INVS: variants seen among roughly 807,000 people sequenced by gnomAD.
The protein encoded by INVS is inversion of embryo turning homolog.
In INVS, 86 loss-of-function variants were observed where a neutral mutation model predicts 108.8. The observed-to-expected ratio is 0.79, with a 90% CI of 0.66 to 0.95. The LOEUF (loss-of-function observed/expected upper bound fraction) is 0.95, where lower values mean the gene tolerates loss of function less well. Ranked by LOEUF, INVS falls within the 40% of genes least tolerant of loss-of-function variation. The probability of loss-of-function intolerance (pLI) is 0.00; values close to 1 mark genes in which losing one functional copy is unlikely to be tolerated. For synonymous variants in INVS, 455 were observed against 473.5 expected (o/e 0.96, Z 0.51); for missense variants, 1,169 against 1,297.4 (o/e 0.90, Z 1.52).
intron 16 of INVS, 159 bp downstream of exon 16, chr9:100,298,169 C>T: frequency 6.6e-7 from 1 of 1,522,814 alleles, no homozygotes. Context: ...ACATCTGTCT[C>T]CCTAAGAGGC....
At chr9:100,246,935 C>T in intron 8 of INVS, 148 bp downstream of exon 8, 1 of 756,872 alleles carries the variant, frequency 1.3e-6, no homozygotes, top group Non-Finnish European at 2.3e-6. Flanking sequence ...TTTGGGTTTG[C>T]CAGGATGTCA....
intron 3 of INVS, among the ~76,000 whole-genome samples, chr9:100,150,886 A>T (rs184976743): frequency 6.6e-6 from 1 of 152,182 alleles, no homozygotes; most frequent in African/African-American, 2.4e-5. Flanking sequence ...GTGACAACAG[A>T]TGATAACTAA....
At chr9:100,192,976 G>GTC (rs1331745165) in intron 3 of INVS, among the ~76,000 whole-genome samples, 3 of 137,334 alleles carry the variant, frequency 2.2e-5, no homozygotes, top group Non-Finnish European at 3.1e-5. Context: ...TGATACCAAT[G>GTC]TCTTTTTTTT....
chr9:100,286,014 A>G (rs143902799), intron 13 of INVS, among the ~76,000 whole-genome samples: 2 of 152,336 alleles, frequency 1.3e-5, no homozygotes, highest in Non-Finnish European at 2.9e-5. Context: ...GGACTTTCTC[A>G]GAAAGGGGCT....
intron 3 of INVS, among the ~76,000 whole-genome samples, chr9:100,211,842 A>G (rs1211024636): frequency 6.6e-6 from 1 of 152,238 alleles, no homozygotes; most frequent in African/African-American, 2.4e-5. Flanking sequence ...TTTGGAGCAC[A>G]TTCTTAGCCT....
chr9:100,157,704 T>C (rs1255159225), intron 3 of INVS, among the ~76,000 whole-genome samples: 1 of 152,232 alleles, frequency 6.6e-6, no homozygotes, highest in African/African-American at 2.4e-5. Flanking sequence ...TTCTAAATTT[T>C]ATTTTGAGCC....
At chr9:100,200,568 G>A (rs1460674106) in intron 3 of INVS, among the ~76,000 whole-genome samples, 1 of 152,114 alleles carries the variant, frequency 6.6e-6, no homozygotes, top group Non-Finnish European at 1.5e-5. Context: ...TTAAGGCATG[G>A]CCCTTCTGAG....
intron 13 of INVS, among the ~76,000 whole-genome samples, chr9:100,291,923 T>G (rs1833628798): frequency 6.6e-6 from 1 of 152,236 alleles, no homozygotes; most frequent in African/African-American, 2.4e-5. Context: ...TTTTCTGTTC[T>G]TATGTAGATG....
Position 100,193,081 on chromosome 9 carries a change from A to T in INVS, c.274-32981A>T, listed in dbSNP as rs80266158. On this transcript the variant is annotated intron_variant, in intron 3 of 16. Coordinates refer to ENST00000262457, the MANE Select transcript of INVS (RefSeq NM_014425.5). ...GCAGCCTTGAACTCCTGAGTTAAGC[A>T]TTCCTCCCACCTCAGCCTCCTGAGT... 4.0e-4 allele frequency among the ~76,000 whole-genome samples: 61 copies of T among 151,194 alleles called. No individual in the cohort carries two copies. In the East Asian group the frequency reaches 9.0e-3, roughly 22 times the overall value.
In INVS at chr9:100,297,128, G is replaced by A. The variant is rs763385338; in HGVS notation, c.2998G>A (p.Val1000Met). 6.8e-6 allele frequency: 11 copies of A among 1,614,026 alleles called. 1 individual carries two copies. The South Asian group carries it at 1.1e-4, about 16-fold the overall frequency. Residue 1000 changes from valine to methionine, a missense_variant, in exon 15 of 17, where the codon GTG (valine) becomes ATG (methionine). Val to Met is a conservative substitution (Grantham distance 21, BLOSUM62 1). Coordinates refer to ENST00000262457, the MANE Select transcript of INVS (RefSeq NM_014425.5). ...TSGTKSTKHSVLKQIYGCSHE... is the reference protein window; with the variant it reads ...TSGTKSTKHSMLKQIYGCSHE... ...AGGCACAAAGTCCACCAAGCACTCA[G>A]TGCTTAAGCAAATCTATGGTAACTG...
At chr9:100,118,731 G>A (rs1029354509) in intron 2 of INVS, among the ~76,000 whole-genome samples, 2 of 151,708 alleles carry the variant, frequency 1.3e-5, no homozygotes, top group Non-Finnish European at 2.9e-5. Context: ...CATGATCTCG[G>A]CTCACTGCAA....
intron 14 of INVS, among the ~76,000 whole-genome samples, chr9:100,294,680 G>A (rs1199458198): frequency 6.6e-6 from 1 of 152,154 alleles, no homozygotes; most frequent in Non-Finnish European, 1.5e-5. Flanking sequence ...AGTTTTTGCT[G>A]TGGTCAAGCT....
chr9:100,252,558 A>T (rs1453813343), intron 9 of INVS, 120 bp downstream of exon 9: 1 of 941,290 alleles, frequency 1.1e-6, no homozygotes. Flanking sequence ...TGAAGGGATG[A>T]TCACACAACA....
At chr9:100,116,846 G>C (rs1827547464) in intron 2 of INVS, 1 of 1,259,684 alleles carries the variant, frequency 7.9e-7, no homozygotes, top group Non-Finnish European at 1.1e-6. Flanking sequence ...CTGACAGGGA[G>C]ACTTGGTAAA....
chr9:100,235,641 A>T (rs1244638660), intron 5 of INVS, among the ~76,000 whole-genome samples: 1 of 152,108 alleles, frequency 6.6e-6, no homozygotes, highest in Admixed American at 6.6e-5. Flanking sequence ...GTTTGGCTGG[A>T]TATGAAATTC....
At chr9:100,134,581 G>C (rs778130147) in intron 3 of INVS, among the ~76,000 whole-genome samples, 2 of 152,080 alleles carry the variant, frequency 1.3e-5, no homozygotes, top group Admixed American at 6.6e-5. Context: ...AGTGTTCCCT[G>C]AACGCCCCAT....
chr9:100,100,459 A>G (rs142061022), intron 1 of INVS, among the ~76,000 whole-genome samples: 1 of 147,478 alleles, frequency 6.8e-6, no homozygotes, highest in South Asian at 2.1e-4. Context: ...GATCCTGCTC[A>G]CTTTTTGGAC....
At chr9:100,100,680 AAT>A (rs1463853384) in intron 1 of INVS, among the ~76,000 whole-genome samples, 11 of 40,756 alleles carry the variant, frequency 2.7e-4, no homozygotes, top group Admixed American at 8.7e-4. Flanking sequence ...ATGTACATAT[AAT>A]ATATATATTA....
chr9:100,152,848 A>G (rs1453457035), intron 3 of INVS, among the ~76,000 whole-genome samples: 1 of 152,166 alleles, frequency 6.6e-6, no homozygotes, highest in African/African-American at 2.4e-5. Flanking sequence ...GGGTCCTTTT[A>G]TTCAAGTCTT....
Sources: allele counts gnomAD v4.1 joint callset (sites outside exome capture counted in the v4.1 genomes callset), GRCh38; gene constraint gnomAD v4.1.1; transcripts MANE v1.5; gene names NCBI Gene and HGNC (gene_info 2026-07-23, HGNC 2026-07-21).